ARPIN: variants seen among roughly 807,000 people sequenced by gnomAD.
ARPIN encodes the protein UPF0552 protein C15orf38.
A neutral mutation model predicts 25.9 loss-of-function variants in ARPIN; 23 were observed. That is an observed-to-expected ratio of 0.89 (90% CI 0.64 to 1.26). The LOEUF is 1.26. ARPIN is among the 50% of genes most tolerant of loss of function. The pLI, the probability that ARPIN is intolerant of heterozygous loss-of-function variation, is 0.00. For synonymous variants in ARPIN, 126 were observed against 131.4 expected (o/e 0.96, Z 0.28); for missense variants, 333 against 312.2 (o/e 1.07, Z -0.50).
At chr15:89,912,416 G>T (rs937097288) in intron 1 of ARPIN, 15 of 1,147,450 alleles carry the variant, frequency 1.3e-5, no homozygotes, top group Non-Finnish European at 1.6e-5. Flanking sequence ...CAAGTAGCTG[G>T]AGTTTATAGT....
chr15:89,905,634 C>T (rs1289713532), intron 3 of ARPIN, among the ~76,000 whole-genome samples: 1 of 152,172 alleles, frequency 6.6e-6, no homozygotes, highest in South Asian at 2.1e-4. Flanking sequence ...CCTGACCCCA[C>T]TGCTAGCTCC....
chr15:89,911,453 G>T (rs1198248457), intron 1 of ARPIN, among the ~76,000 whole-genome samples: 1 of 152,130 alleles, frequency 6.6e-6, no homozygotes, highest in African/African-American at 2.4e-5. Context: ...TTTCATAAAA[G>T]CAGAACGTGG....
At chr15:89,907,114 G>A (rs1295110957) in intron 3 of ARPIN, among the ~76,000 whole-genome samples, 8 of 151,234 alleles carry the variant, frequency 5.3e-5, no homozygotes, top group Non-Finnish European at 8.8e-5. Flanking sequence ...TGTTGCCTAG[G>A]CTGGAGTGCA....
chr15:89,909,984 T>C (rs906202075), intron 2 of ARPIN, among the ~76,000 whole-genome samples: 3 of 152,184 alleles, frequency 2.0e-5, no homozygotes, highest in African/African-American at 4.8e-5. Context: ...CACATCAGCA[T>C]GGAGACACTG....
At position 89,901,549 on chromosome 15, in the gene ARPIN, G is replaced by A; in HGVS notation, c.*246C>T. 1 of 563,290 alleles carries A rather than the reference G, an allele frequency of 1.8e-6. No individual in the cohort carries two copies. Among genetic ancestry groups the A allele is most frequent in the Non-Finnish European group, 3.2e-6 (1 of 316,466 alleles). 34.9% of individuals were successfully genotyped at this position (563,290 alleles called of 1,614,324 possible). On this transcript the variant is annotated 3_prime_UTR_variant, in exon 6 of 6. Coordinates refer to ENST00000357484, the MANE Select transcript of ARPIN (RefSeq NM_182616.4). ...TTAAAGGGTCATCATGTAATGTCTAGGAAGGCTAGACTCACATGCAGGGAG... is the reference window on the plus strand; with the variant it reads ...TTAAAGGGTCATCATGTAATGTCTAAGAAGGCTAGACTCACATGCAGGGAG...
chr15:89,908,193 T>A, intron 3 of ARPIN, 87 bp downstream of exon 3: 1 of 1,572,484 alleles, frequency 6.4e-7, no homozygotes, highest in Non-Finnish European at 8.6e-7. Context: ...GAAGAGACAC[T>A]TTCCAGGGGC....
intron 3 of ARPIN, among the ~76,000 whole-genome samples, chr15:89,907,181 C>T (rs1347457948): frequency 1.3e-5 from 2 of 151,644 alleles, no homozygotes; most frequent in African/African-American, 4.8e-5. Flanking sequence ...GATTCTCCTG[C>T]CTCAGCCTCC....
chr15:89,903,819 C>A lies in ARPIN; in HGVS notation c.466G>T (p.Ala156Ser). Reference protein sequence around the residue: ...EMEVMELELGAGVRLKTRGDG... With the variant: ...EMEVMELELGSGVRLKTRGDG... ...CCCCGAGTCTTCAGCCGTACCCCGGCCCCCAGCTCGAGTTCCATCACCTCC... is the reference window on the plus strand; with the variant it reads ...CCCCGAGTCTTCAGCCGTACCCCGGACCCCAGCTCGAGTTCCATCACCTCC... The change falls in exon 4 of 6, where the codon GCC (alanine) becomes TCC (serine). Residue 156 changes from alanine (A) to serine (S), a missense_variant. Transcript: ENST00000357484. 1 of 1,614,180 alleles carries A rather than the reference C, an allele frequency of 6.2e-7. No homozygotes were observed. Among genetic ancestry groups the A allele is most frequent in the Non-Finnish European group, 8.5e-7 (1 of 1,180,030 alleles).
chr15:89,903,170 C>T (rs377353674), intron 5 of ARPIN, 46 bp downstream of exon 5: 265 of 1,614,128 alleles, frequency 1.6e-4, no homozygotes, highest in Middle Eastern at 3.3e-4. Context: ...CAGTATGTAC[C>T]ATGCTCCTGC....
In ARPIN at chr15:89,898,765, G is replaced by C. The variant is rs1040295740; in HGVS notation, c.*3030C>G. ...GAACTTTTCATCTGGGGAGTAATAGGATCCAGTCTAGCTTCCAAAAGCTGC... is the reference window on the plus strand; with the variant it reads ...GAACTTTTCATCTGGGGAGTAATAGCATCCAGTCTAGCTTCCAAAAGCTGC... On this transcript the variant is annotated 3_prime_UTR_variant, in exon 6 of 6. Coordinates refer to ENST00000357484, the MANE Select transcript of ARPIN (RefSeq NM_182616.4). 6.6e-6 allele frequency: 1 copy of C among 152,136 alleles called. No individual in the cohort carries two copies. Among genetic ancestry groups the C allele is most frequent in the African/African-American group, 2.4e-5 (1 of 41,428 alleles). The allele number at this position is 152,136 out of a possible 1,614,324, so 9.4% of individuals were successfully genotyped here.
At chr15:89,908,215 G>C in intron 3 of ARPIN, 65 bp downstream of exon 3, 1 of 1,602,676 alleles carries the variant, frequency 6.2e-7, no homozygotes, top group Non-Finnish European at 8.5e-7. Flanking sequence ...AAGAGGCTCA[G>C]AAGAGAAAGG....
intron 1 of ARPIN, chr15:89,912,218 A>G (rs1025873674): frequency 5.1e-5 from 50 of 986,384 alleles, no homozygotes; most frequent in Non-Finnish European, 5.2e-5. Context: ...ACTTAGCACA[A>G]TTCTTCAGCG....
At chr15:89,902,724 TGAAAA>T (rs1182169137) in intron 5 of ARPIN, 1 of 446,972 alleles carries the variant, frequency 2.2e-6, no homozygotes, top group African/African-American at 2.1e-5. Context: ...AGAAAAGAAA[TGAAAA>T]GAAAAGCAAC....
At position 89,899,401 on chromosome 15, in the gene ARPIN, A is replaced by C. The variant is rs760817878; in HGVS notation, c.*2394T>G. The C allele has an allele frequency of 3.3e-5, 5 of 152,132 alleles. No individual in the cohort carries two copies. The highest frequency in any genetic ancestry group is 5.9e-5 in the Non-Finnish European group (4 of 68,092). 9.4% of individuals were successfully genotyped at this position (152,132 alleles called of 1,614,324 possible). A position where few individuals can be genotyped will look rare whatever the true frequency, so the allele number is the denominator to read the frequency against. On this transcript the variant is annotated 3_prime_UTR_variant, in exon 6 of 6. Coordinates refer to ENST00000357484, the MANE Select transcript of ARPIN (RefSeq NM_182616.4). ...CACCCAGCCCTGGGGCCCTGTTCTT[A>C]TCCTCAGCCCACTTGGTTTTCCCAT...
chr15:89,904,102 C>T (rs1897077483), intron 3 of ARPIN, 119 bp from the exon 4 acceptor site: 1 of 1,243,242 alleles, frequency 8.0e-7, no homozygotes, highest in African/African-American at 1.5e-5. Flanking sequence ...GAGGCTGGGA[C>T]TCAGTGCCCA....
At position 89,912,786 on chromosome 15, in the gene ARPIN, C is replaced by T; in HGVS notation, c.50G>A (p.Ser17Asn). Residue 17 changes from serine to asparagine, a missense_variant, in exon 1 of 6, where the codon AGC becomes AAC. Physicochemically the swap from Ser to Asn is conservative, Grantham distance 46. Coordinates refer to ENST00000357484, the MANE Select transcript of ARPIN (RefSeq NM_182616.4). ...GTCCCAGGCCCCTGGCAGCCGGACGCTCTGCACCGCCTTGTTCCGGAGCGC... is the reference window on the plus strand; with the variant it reads ...GTCCCAGGCCCCTGGCAGCCGGACGTTCTGCACCGCCTTGTTCCGGAGCGC... The part of the protein sequence containing the change: ...DGALRNKAVQ[S>N]VRLPGAWDPA... The T allele has an allele frequency of 1.3e-6, 2 of 1,518,090 alleles. No individual in the cohort carries two copies. Among genetic ancestry groups the T allele is most frequent in the Non-Finnish European group, 1.8e-6 (2 of 1,137,900 alleles). 94.0% of individuals were successfully genotyped at this position (1,518,090 alleles called of 1,614,324 possible). A position where few individuals can be genotyped will look rare whatever the true frequency, so the allele number is the denominator to read the frequency against.
rs1362418133 is a variant in ARPIN, at chr15:89,904,003, G to A, written c.302-20C>T. ...CCACCTCTGCAGGCACAGAGCGCAG[G>A]AGGGTCATTATCACTGTGGCAGCAA... On this transcript the variant is annotated intron_variant, in intron 3 of 5. Coordinates refer to ENST00000357484, the MANE Select transcript of ARPIN (RefSeq NM_182616.4). The A allele has an allele frequency of 6.3e-7, 1 of 1,588,812 alleles. No homozygotes were observed. The highest frequency in any genetic ancestry group is 1.7e-5 in the Admixed American group (1 of 59,474).
rs1223391501 is a variant in ARPIN at position 89,896,117 on chromosome 15, G to A, written c.*5678C>T. On this transcript the variant is annotated 3_prime_UTR_variant, in exon 6 of 6. Transcript: ENST00000357484. The stretch of plus-strand genomic sequence containing the variant: ...TTGGCCAGTCTGGTCTCAAACTCCT[G>A]ACCTCAAGTGATTCACCCATCTCAG... 2 of 152,250 alleles carry A rather than the reference G, an allele frequency of 1.3e-5. No individual in the cohort carries two copies. Among genetic ancestry groups the A allele is most frequent in the Non-Finnish European group, 2.9e-5 (2 of 68,066 alleles). The allele number at this position is 152,250 out of a possible 1,614,324, so 9.4% of individuals were successfully genotyped here.
rs980087344 is a variant in ARPIN at position 89,903,518 on chromosome 15, T to C, written c.509-139A>G. The C allele has an allele frequency of 2.1e-6, 3 of 1,450,550 alleles. No individual in the cohort carries two copies. In the African/African-American group the frequency reaches 4.2e-5, roughly 21 times the overall value. The allele number at this position is 1,450,550 out of a possible 1,614,324, so 89.9% of individuals were successfully genotyped here. On this transcript the variant is annotated intron_variant, in intron 4 of 5. Coordinates refer to ENST00000357484, the MANE Select transcript of ARPIN (RefSeq NM_182616.4). ...GGCATAGATGTGGTCAATGAGCCCC[T>C]GGGTGGGACCCCCAAGGTATGGTGG...
Sources: allele counts gnomAD v4.1 joint callset (sites outside exome capture counted in the v4.1 genomes callset), GRCh38; gene constraint gnomAD v4.1.1; transcripts MANE v1.5; gene names NCBI Gene and HGNC (gene_info 2026-07-23, HGNC 2026-07-21).